PLEKHG1: variants seen among roughly 807,000 people sequenced by gnomAD.
PLEKHG1 encodes the protein pleckstrin homology and RhoGEF domain containing G1.
A neutral mutation model predicts 100.8 loss-of-function variants in PLEKHG1; 44 were observed. The observed-to-expected ratio is 0.44, with a 90% CI of 0.34 to 0.56. The LOEUF is 0.56. Among genes scored for constraint, PLEKHG1 ranks in the 20% least tolerant of loss-of-function variants. The pLI is 0.01. For synonymous variants in PLEKHG1, 640 were observed against 662.5 expected, an observed-to-expected ratio of 0.97 and a Z score of 0.52; for missense variants, 1,545 against 1,720.9, an observed-to-expected ratio of 0.90 and a Z score of 1.81.
intron 3 of PLEKHG1, among the ~76,000 whole-genome samples, chr6:150,699,416 T>C (rs1780677911): frequency 6.6e-6 from 1 of 152,226 alleles, no homozygotes; most frequent in African/African-American, 2.4e-5. Context: ...CTTGTAGACG[T>C]TGATGCTCCG....
intron 3 of PLEKHG1, among the ~76,000 whole-genome samples, chr6:150,772,965 A>C (rs1397212060): frequency 6.6e-6 from 1 of 152,218 alleles, no homozygotes; most frequent in Non-Finnish European, 1.5e-5. Flanking sequence ...CTACCGTGAG[A>C]CATGCCTTTT....
At chr6:150,753,266 G>A (rs895026126) in intron 2 of PLEKHG1, among the ~76,000 whole-genome samples, 1 of 152,150 alleles carries the variant, frequency 6.6e-6, no homozygotes, top group Non-Finnish European at 1.5e-5. Context: ...TCTCGCTGGG[G>A]CAGAATCACC....
intron 3 of PLEKHG1, among the ~76,000 whole-genome samples, chr6:150,774,923 T>C (rs1784887575): frequency 6.6e-6 from 1 of 152,180 alleles, no homozygotes; most frequent in South Asian, 2.1e-4. Context: ...GACAATAGTA[T>C]ATAATTTCTT....
chr6:150,669,719 C>T (rs1779522211), intron 3 of PLEKHG1, among the ~76,000 whole-genome samples: 1 of 151,610 alleles, frequency 6.6e-6, no homozygotes, highest in South Asian at 2.1e-4. Flanking sequence ...GCCTCAGCCT[C>T]CCGAGTAGCT....
upstream of PLEKHG1, among the ~76,000 whole-genome samples, chr6:150,719,268 T>C (rs531423625): frequency 6.7e-6 from 1 of 150,208 alleles, no homozygotes; most frequent in South Asian, 2.1e-4. Context: ...GAAATAGCAC[T>C]TTAGAAACAT....
intron 3 of PLEKHG1, among the ~76,000 whole-genome samples, chr6:150,653,180 A>G (rs548812450): frequency 6.6e-6 from 1 of 152,328 alleles, no homozygotes; most frequent in Admixed American, 6.5e-5. Flanking sequence ...TCAGTGGCCT[A>G]TGGAATTGTT....
intron 2 of PLEKHG1, among the ~76,000 whole-genome samples, chr6:150,649,945 G>A (rs1371733233): frequency 3.3e-5 from 5 of 152,104 alleles, no homozygotes; most frequent in Admixed American, 2.0e-4. Flanking sequence ...CTGGGAGGCG[G>A]AGCTTGCAGT....
At chr6:150,766,909 C>A (rs1030087606) in intron 2 of PLEKHG1, among the ~76,000 whole-genome samples, 1 of 152,172 alleles carries the variant, frequency 6.6e-6, no homozygotes, top group Non-Finnish European at 1.5e-5. Flanking sequence ...GTGGCTTGCA[C>A]CCTCCACCCC....
At chr6:150,841,069 G>T in exon 16 of PLEKHG1, 1 of 702,848 alleles carries the variant, frequency 1.4e-6, no homozygotes, top group East Asian at 2.7e-5. Flanking sequence ...ATGCAGCCCG[G>T]ATTGTACTGT....
chr6:150,790,716 A>C (rs909577024), intron 4 of PLEKHG1, among the ~76,000 whole-genome samples: 7 of 152,196 alleles, frequency 4.6e-5, no homozygotes, highest in African/African-American at 1.7e-4. Context: ...AGTACTGTGA[A>C]GCAGTAACAG....
chr6:150,704,341 A>G (rs964749333), intron 3 of PLEKHG1, among the ~76,000 whole-genome samples: 1 of 152,096 alleles, frequency 6.6e-6, no homozygotes, highest in African/African-American at 2.4e-5. Context: ...CCCCCTCTGA[A>G]CTCAGAGACA....
intron 15 of PLEKHG1, among the ~76,000 whole-genome samples, chr6:150,833,362 AT>A (rs1209965552): frequency 3.3e-5 from 5 of 152,298 alleles, no homozygotes; most frequent in South Asian, 2.1e-4. Flanking sequence ...CTACTGCTCA[AT>A]TTTTTAAAAT....
intron 5 of PLEKHG1, among the ~76,000 whole-genome samples, chr6:150,796,981 T>G (rs1583149274): frequency 1.3e-5 from 2 of 152,102 alleles, no homozygotes; most frequent in East Asian, 1.9e-4. Context: ...TTATGGGGTT[T>G]TTTTGTTTTG....
intron 3 of PLEKHG1, among the ~76,000 whole-genome samples, chr6:150,696,210 T>C (rs1036915674): frequency 1.3e-4 from 20 of 152,092 alleles, no homozygotes; most frequent in South Asian, 8.3e-4. Flanking sequence ...TTTGACAGCT[T>C]AGGTTGAAAG....
intron 14 of PLEKHG1, among the ~76,000 whole-genome samples, chr6:150,829,291 A>G (rs115128767): frequency 0.012 from 1,808 of 152,310 alleles, 17 homozygotes; most frequent in Middle Eastern, 0.041. Context: ...TCCAAGTTAT[A>G]AAAGACCTCA....
At chr6:150,615,731 A>G (rs891625748) in intron 1 of PLEKHG1, among the ~76,000 whole-genome samples, 2 of 152,194 alleles carry the variant, frequency 1.3e-5, no homozygotes, top group African/African-American at 4.8e-5. Context: ...TATGAGGACA[A>G]CGAGGGCAAT....
At chr6:150,670,827 C>T (rs1003248338) in intron 3 of PLEKHG1, among the ~76,000 whole-genome samples, 3 of 152,000 alleles carry the variant, frequency 2.0e-5, no homozygotes, top group Admixed American at 6.6e-5. Context: ...GTACCCATCA[C>T]CCATGAATAT....
chr6:150,755,933 TA>T (rs547845548), intron 2 of PLEKHG1, among the ~76,000 whole-genome samples: 21,267 of 152,184 alleles, frequency 0.14, 161 homozygotes, highest in African/African-American at 0.3. Flanking sequence ...TTGTGGTAGA[TA>T]GAAGCTGCAT....
intron 3 of PLEKHG1, among the ~76,000 whole-genome samples, chr6:150,771,027 C>G (rs1459413716): frequency 1.3e-5 from 2 of 152,208 alleles, no homozygotes; most frequent in Non-Finnish European, 1.5e-5. Context: ...GAGTGGAGCC[C>G]TGCTTCTCTG....
Sources: allele counts gnomAD v4.1 joint callset (sites outside exome capture counted in the v4.1 genomes callset), GRCh38; gene constraint gnomAD v4.1.1; transcripts MANE v1.5; gene names NCBI Gene and HGNC (gene_info 2026-07-23, HGNC 2026-07-21).